Variants in CABP1 observed in about 807,000 individuals in gnomAD.
CABP1 encodes the protein calcium-binding protein 1.
A neutral mutation model predicts 34.3 loss-of-function variants in CABP1; 17 were observed. The ratio of observed to expected loss-of-function variants is 0.50; its 90% confidence interval spans 0.34 to 0.74. The LOEUF (loss-of-function observed/expected upper bound fraction) is 0.74, where lower values mean the gene tolerates loss of function less well. Ranked by LOEUF, CABP1 falls within the 30% of genes least tolerant of loss-of-function variation. The pLI, the probability that CABP1 is intolerant of heterozygous loss-of-function variation, is 0.01. For synonymous variants in CABP1, 198 were observed against 229.2 expected (o/e 0.86, Z 1.23); for missense variants, 373 against 511.1 (o/e 0.73, Z 2.61).
intron 1 of CABP1, among the ~76,000 whole-genome samples, chr12:120,651,454 G>T (rs577637560): frequency 6.6e-6 from 1 of 152,294 alleles, no homozygotes; most frequent in East Asian, 1.9e-4. Context: ...ATAGGGTTTT[G>T]GGTTAGGTGG....
the CABP1 span, among the ~76,000 whole-genome samples, chr12:120,677,275 A>G: frequency 6.6e-6 from 1 of 151,498 alleles, no homozygotes; most frequent in Non-Finnish European, 1.5e-5. Context: ...TTTGGTAGAG[A>G]CAAAGTTTCA....
At chr12:120,656,609 A>AC (rs1466335355) in intron 1 of CABP1, among the ~76,000 whole-genome samples, 1 of 152,120 alleles carries the variant, frequency 6.6e-6, no homozygotes. Flanking sequence ...GAGAAAACTG[A>AC]CTTGGGCTGG....
At chr12:120,669,075 G>A (rs986534763), downstream of CABP1, among the ~76,000 whole-genome samples, 2 of 152,066 alleles carry the variant, frequency 1.3e-5, no homozygotes, top group African/African-American at 4.8e-5. Flanking sequence ...TGTGCCTCCA[G>A]GCAGCCAGGG....
intron 1 of CABP1, among the ~76,000 whole-genome samples, chr12:120,654,058 C>G (rs1259995392): frequency 6.6e-6 from 1 of 152,208 alleles, no homozygotes; most frequent in East Asian, 1.9e-4. Context: ...CTAGTCTTGC[C>G]TCGCTCTAGT....
chr12:120,676,678 C>T, the CABP1 span, among the ~76,000 whole-genome samples: 1 of 152,164 alleles, frequency 6.6e-6, no homozygotes, highest in African/African-American at 2.4e-5. Context: ...CCGCCTGCCT[C>T]AGCCTCCCAA....
At chr12:120,675,649 C>G in the CABP1 span, among the ~76,000 whole-genome samples, 1 of 152,208 alleles carries the variant, frequency 6.6e-6, no homozygotes, top group Non-Finnish European at 1.5e-5. Context: ...ATTTATTGTA[C>G]GACAATATGT....
rs1457312639 is a variant in CABP1 at position 120,660,130 on chromosome 12, G to C, written c.686-66G>C. 3.2e-5 allele frequency: 51 copies of C among 1,591,762 alleles called. No homozygotes were observed. Among genetic ancestry groups the C allele is most frequent in the Non-Finnish European group, 4.2e-5 (49 of 1,166,030 alleles). On this transcript the variant is annotated intron_variant, in intron 2 of 5. Coordinates refer to ENST00000316803, the MANE Select transcript of CABP1 (RefSeq NM_001033677.2). The surrounding 1 kb of genome is among the most constrained non-coding windows in gnomAD (Gnocchi z 5.0). ...TTCCATGCCGGTGGGCCTTTGGGCT[G>C]CCTTTGCCCACAGAGGCTCTGCGGG...
At chr12:120,673,404 G>C in the CABP1 span, among the ~76,000 whole-genome samples, 1 of 152,044 alleles carries the variant, frequency 6.6e-6, no homozygotes, top group Non-Finnish European at 1.5e-5. Context: ...CTAACATGGT[G>C]AAACCCCGTC....
the CABP1 span, among the ~76,000 whole-genome samples, chr12:120,677,462 T>C: frequency 7.0e-6 from 1 of 141,850 alleles, no homozygotes; most frequent in South Asian, 2.3e-4. Context: ...AGTGGTACGA[T>C]CTTGGCTCAC....
intron 1 of CABP1, chr12:120,656,161 C>T (rs748258325): frequency 1.1e-4 from 181 of 1,613,930 alleles, no homozygotes; most frequent in Admixed American, 1.5e-4. Context: ...CGGCTGACGC[C>T]GAGCTCCCGG....
chr12:120,646,576 C>G (rs1436026773), intron 1 of CABP1, among the ~76,000 whole-genome samples: 2 of 152,136 alleles, frequency 1.3e-5, no homozygotes, highest in African/African-American at 4.8e-5. Context: ...GTGCAGGGTA[C>G]AATCATAGCT....
chr12:120,640,678 G>C lies in CABP1; in HGVS notation c.-8G>C. 1 of 1,181,060 alleles carries C rather than the reference G, an allele frequency of 8.5e-7. No homozygotes were observed. The highest frequency in any genetic ancestry group is 1.0e-6 in the Non-Finnish European group (1 of 955,066). 73.2% of individuals were successfully genotyped at this position (1,181,060 alleles called of 1,614,324 possible). On this transcript the variant is annotated 5_prime_UTR_variant, in exon 1 of 6. Transcript: ENST00000316803. This position sits in a 1 kb window ranked among gnomAD's most constrained non-coding sequence, Gnocchi z 6.2. ...TCCGGGCTCCGGGCGTAGAGGCTGC[G>C]CTGTCACATGGGCGGCGGCGACGGG...
chr12:120,661,274 C>T lies in CABP1; in HGVS notation c.1087+56C>T, dbSNP rs1566001141. 5 of 1,571,612 alleles carry T rather than the reference C, an allele frequency of 3.2e-6. No individual in the cohort carries two copies. Among genetic ancestry groups the T allele is most frequent in the Non-Finnish European group, 4.3e-6 (5 of 1,164,160 alleles). ...AAGCCAGCAGTGGCCATCCATGGAG[C>T]CCTCCAATTGTGTATCCATCATGCA... On this transcript the variant is annotated intron_variant, in intron 5 of 5. Transcript: ENST00000316803. The surrounding 1 kb of genome is among the most constrained non-coding windows in gnomAD (Gnocchi z 5.1).
Position 120,660,824 on chromosome 12 carries a change from G to A in CABP1, c.923G>A (p.Arg308Gln), listed in dbSNP as rs777615351. The stretch of plus-strand genomic sequence containing the variant: ...GATATGATTGGTGTAAAGGAACTGC[G>A]AGATGCTTTCCGAGAGGTAACGGAC... ...TADMIGVKEL[R>Q]DAFREFDTNG... Residue 308 changes from arginine (R) to glutamine (Q), a missense_variant, in exon 4 of 6, where the codon CGA becomes CAA. Transcript: ENST00000316803. This position sits in a 1 kb window ranked among gnomAD's most constrained non-coding sequence, Gnocchi z 5.0. The A allele has an allele frequency of 8.7e-6, 14 of 1,612,294 alleles. No homozygotes were observed. The Middle Eastern group carries it at 4.9e-4, about 57-fold the overall frequency.
chr12:120,666,920 G>C lies in CABP1; in HGVS notation c.*20G>C. 1 of 1,599,888 alleles carries C rather than the reference G, an allele frequency of 6.3e-7. No homozygotes were observed. On this transcript the variant is annotated 3_prime_UTR_variant, in exon 6 of 6. Transcript: ENST00000316803. ...CGCTGAGGCCGCGAGGGCCCCTCCA[G>C]GACTGCCAAGCTCCCAAAGGCGGGG... is the stretch of plus-strand genomic sequence containing the variant.
chr12:120,643,347 G>A (rs1476342506), intron 1 of CABP1, among the ~76,000 whole-genome samples: 1 of 152,194 alleles, frequency 6.6e-6, no homozygotes, highest in Non-Finnish European at 1.5e-5. Flanking sequence ...TCGTGTCAGA[G>A]CCTCCAGTCT....
downstream of CABP1, among the ~76,000 whole-genome samples, chr12:120,668,893 G>A (rs906054596): frequency 4.6e-5 from 7 of 152,182 alleles, no homozygotes; most frequent in Admixed American, 4.6e-4. Flanking sequence ...ATTGCCTGGA[G>A]CATTTGTGAA....
rs563214762 is a variant in CABP1, at chr12:120,641,062, C to T, written c.377C>T (p.Pro126Leu). 9 of 1,188,172 alleles carry T rather than the reference C, an allele frequency of 7.6e-6. No individual in the cohort carries two copies. The highest frequency in any genetic ancestry group is 9.4e-6 in the Non-Finnish European group (9 of 960,014). 73.6% of individuals were successfully genotyped at this position (1,188,172 alleles called of 1,614,324 possible). Residue 126 changes from proline (P) to leucine (L), a missense_variant, in exon 1 of 6, where the codon CCG becomes CTG. Physicochemically the swap from Pro to Leu is moderately conservative, Grantham distance 98. This residue lies in a region of CABP1 where 9 missense variants were observed against 35.5 expected (regional missense o/e 0.25). Coordinates refer to ENST00000316803, the MANE Select transcript of CABP1 (RefSeq NM_001033677.2). The surrounding 1 kb of genome is among the most constrained non-coding windows in gnomAD (Gnocchi z 6.7). ...CGGAGGCCCCTGTGCCGGCCGGCGC[C>T]GCGAGAGGAGGGCGCGCGGGGGAGC... is the stretch of plus-strand genomic sequence containing the variant. Reference protein sequence around the residue: ...SSRRPLCRPAPREEGARGSQR... With the variant: ...SSRRPLCRPALREEGARGSQR...
At chr12:120,653,973 G>A (rs1024879278) in intron 1 of CABP1, among the ~76,000 whole-genome samples, 2 of 152,152 alleles carry the variant, frequency 1.3e-5, no homozygotes, top group East Asian at 1.9e-4. Context: ...CCTGGGGTTC[G>A]GCCAGTCACT....
Sources: gnomAD v4.1 joint callset for allele counts (sites outside exome capture counted in the v4.1 genomes callset) on GRCh38, gnomAD v4.1.1 for gene constraint, gnomAD v4.1.1 regional missense constraint, Gnocchi (gnomAD v3.1) non-coding constraint, MANE v1.5 for transcripts, NCBI Gene and HGNC (gene_info 2026-07-23, HGNC 2026-07-21) for gene names.